The following CAMK2D variants were observed in gnomAD, a reference collection of about 807,000 sequenced individuals.
The protein encoded by CAMK2D is calcium/calmodulin dependent protein kinase II delta.
A neutral mutation model predicts 84.0 loss-of-function variants in CAMK2D; 37 were observed. That is an observed-to-expected ratio of 0.44 (90% CI 0.34 to 0.58). The LOEUF (loss-of-function observed/expected upper bound fraction) is 0.58. Among genes scored for constraint, CAMK2D ranks in the 20% least tolerant of loss-of-function variants. The pLI is 0.02. For synonymous variants in CAMK2D, 202 were observed against 212.5 expected (o/e 0.95, Z 0.43); for missense variants, 448 against 652.5 (o/e 0.69, Z 3.41).
At chr4:113,481,438 C>T (rs1295487745) in intron 16 of CAMK2D, among the ~76,000 whole-genome samples, 1 of 151,894 alleles carries the variant, frequency 6.6e-6, no homozygotes, top group Non-Finnish European at 1.5e-5. Flanking sequence ...AAAAGTAAAA[C>T]AGGAGAATGG....
In CAMK2D at chr4:113,761,435, G is replaced by A. The variant is rs967909379; in HGVS notation, c.-367C>T. 1.7e-6 allele frequency: 2 copies of A among 1,189,634 alleles called. No homozygotes were observed. The highest frequency in any genetic ancestry group is 1.1e-6 in the Non-Finnish European group (1 of 947,532). 73.7% of individuals were successfully genotyped at this position (1,189,634 alleles called of 1,614,324 possible). ...AAAAACAGCCAGGCACGGGACGAGT[G>A]GCAAGCAGTTGCGAAACGATCCGCA... On this transcript the variant is annotated 5_prime_UTR_variant, in exon 1 of 21. Transcript: ENST00000511664.
At position 113,632,341 on chromosome 4, in the gene CAMK2D, A is replaced by G. The variant is rs547317964; in HGVS notation, c.221-23135T>C. Among the ~76,000 whole-genome samples the G allele has an allele frequency of 7.3e-4, 111 of 152,054 alleles. 1 individual carries two copies. The South Asian group carries it at 0.022, about 30-fold the overall frequency. ...TGGGTTTAAGCGATTCTCCTGCCTC[A>G]GCCTCCCAAGTAGTTGGAATCGCAG... On this transcript the variant is annotated intron_variant, in intron 3 of 20. Transcript: ENST00000511664.
intron 3 of CAMK2D, among the ~76,000 whole-genome samples, chr4:113,614,683 T>C (rs563262461): frequency 4.2e-4 from 64 of 152,272 alleles, no homozygotes; most frequent in South Asian, 1.7e-3. Flanking sequence ...AGTCAACTCA[T>C]AGAATTATCA....
At chr4:113,457,695 A>T in intron 18 of CAMK2D, 132 bp from the exon 19 acceptor site, 2 of 666,808 alleles carry the variant, frequency 3.0e-6, no homozygotes, top group Non-Finnish European at 5.1e-6. Context: ...TAATTAATCT[A>T]CTATTTGTAC....
intron 16 of CAMK2D, among the ~76,000 whole-genome samples, chr4:113,474,711 AT>A (rs1419406830): frequency 6.6e-6 from 1 of 151,172 alleles, no homozygotes; most frequent in Non-Finnish European, 1.5e-5. Context: ...CAAAGGTGTG[AT>A]CTCGGCTCAC....
At chr4:113,599,948 G>A (rs2098944731) in intron 4 of CAMK2D, among the ~76,000 whole-genome samples, 1 of 152,168 alleles carries the variant, frequency 6.6e-6, no homozygotes, top group Non-Finnish European at 1.5e-5. Flanking sequence ...GGCAAAGGTG[G>A]AGGAAAATCC....
chr4:113,472,675 A>G (rs1022948727), intron 16 of CAMK2D, among the ~76,000 whole-genome samples: 3 of 152,232 alleles, frequency 2.0e-5, no homozygotes, highest in Non-Finnish European at 4.4e-5. Flanking sequence ...AACTGAATTT[A>G]TACCTGCAAA....
At chr4:113,491,909 A>T (rs2097849286) in intron 16 of CAMK2D, among the ~76,000 whole-genome samples, 1 of 151,748 alleles carries the variant, frequency 6.6e-6, no homozygotes, top group Non-Finnish European at 1.5e-5. Context: ...TTTCTTCTAG[A>T]TTTTCTAGTT....
intron 16 of CAMK2D, among the ~76,000 whole-genome samples, chr4:113,484,956 A>G (rs895262263): frequency 1.3e-5 from 2 of 152,150 alleles, no homozygotes; most frequent in African/African-American, 4.8e-5. Context: ...ATACTTTTAC[A>G]TATTATTAAA....
chr4:113,502,320 T>C (rs1046724822), intron 15 of CAMK2D, among the ~76,000 whole-genome samples: 1 of 151,900 alleles, frequency 6.6e-6, no homozygotes, highest in Non-Finnish European at 1.5e-5. Flanking sequence ...CTGGAATATA[T>C]ATTACTCAAC....
At chr4:113,721,423 C>T (rs761563038) in intron 2 of CAMK2D, among the ~76,000 whole-genome samples, 7 of 152,164 alleles carry the variant, frequency 4.6e-5, no homozygotes, top group Non-Finnish European at 1.0e-4. Context: ...TTATTAAAAA[C>T]ACTTTACCCA....
rs938779568 is a variant in CAMK2D, at chr4:113,457,411, G to A, written c.1459C>T (p.Arg487Cys). The change falls in exon 19 of 21, where the codon CGT (arginine) becomes TGT (cysteine). Residue 487 changes from arginine to cysteine, a missense_variant. Arg to Cys is a radical substitution (Grantham distance 180). This residue lies in a region of CAMK2D where 219 missense variants were observed against 272.1 expected (regional missense o/e 0.80). Transcript: ENST00000511664. Reference sequence around the variant, plus strand: ...TTTCCATCCCGGCGGTGCCACACACGAGTCTCTTCTGACTGCATTGTCTTT... The same window carrying A: ...TTTCCATCCCGGCGGTGCCACACACAAGTCTCTTCTGACTGCATTGTCTTT... Reference protein sequence around the residue: ...MPKTMQSEETRVWHRRDGKWQ... With the variant: ...MPKTMQSEETCVWHRRDGKWQ... 5.0e-6 allele frequency: 8 copies of A among 1,613,688 alleles called. No individual in the cohort carries two copies. In the Admixed American group the frequency reaches 1.0e-4, roughly 20 times the overall value.
At position 113,507,509 on chromosome 4, in the gene CAMK2D, T is replaced by A. The variant is rs192281525; in HGVS notation, c.984+2129A>T. Reference sequence around the variant, plus strand: ...GTCTCGAACTCCTGATCTCAGGTGATCCGTCTGTCTCAACCTCTCAAACTG... The same window carrying A: ...GTCTCGAACTCCTGATCTCAGGTGAACCGTCTGTCTCAACCTCTCAAACTG... On this transcript the variant is annotated intron_variant, in intron 13 of 20. Transcript: ENST00000511664. Among the ~76,000 whole-genome samples the A allele has an allele frequency of 3.5e-3, 539 of 152,218 alleles. 4 individuals are homozygous for A. Among genetic ancestry groups the A allele is most frequent in the African/African-American group, 0.012 (517 of 41,514 alleles).
Position 113,504,992 on chromosome 4 carries a change from A to C in CAMK2D, c.1028T>G (p.Ile343Ser). The change falls in exon 14 of 21, where the codon ATT (isoleucine) becomes AGT (serine). Residue 343 changes from isoleucine to serine, a missense_variant. Ile to Ser is a moderately radical substitution (Grantham distance 142, BLOSUM62 -2). Coordinates refer to ENST00000511664, the MANE Select transcript of CAMK2D (RefSeq NM_001321571.2). The stretch of plus-strand genomic sequence containing the variant: ...CAGGTATACCAGCGCTGGGGTAGGA[A>C]TATTTTCTTTGGGGCTGGTTACCAC... The part of the protein sequence containing the change: ...ANVVTSPKEN[I>S]PTPALEPQTT... The C allele has an allele frequency of 6.3e-7, 1 of 1,579,526 alleles. No individual in the cohort carries two copies. The highest frequency in any genetic ancestry group is 8.5e-7 in the Non-Finnish European group (1 of 1,169,796).
intron 2 of CAMK2D, among the ~76,000 whole-genome samples, chr4:113,695,568 T>C (rs1001977543): frequency 5.9e-5 from 9 of 152,056 alleles, no homozygotes; most frequent in African/African-American, 1.9e-4. Context: ...TTTGAGGCAA[T>C]TCATTCCCTC....
Position 113,511,031 on chromosome 4 carries a change from T to C in CAMK2D, c.947-1356A>G, listed in dbSNP as rs76693075. Among the ~76,000 whole-genome samples, 866 of 152,188 alleles carry C rather than the reference T, an allele frequency of 5.7e-3. 8 individuals are homozygous for C. Among genetic ancestry groups the C allele is most frequent in the African/African-American group, 0.02 (831 of 41,540 alleles). ...ATTGCAATAGCAAGCAAAGAGAAGA[T>C]GATGATTCAGGGTAAGCAGGGATTT... On this transcript the variant is annotated intron_variant, in intron 12 of 20. Transcript: ENST00000511664.
intron 7 of CAMK2D, among the ~76,000 whole-genome samples, chr4:113,536,481 TTTG>T (rs531827206): frequency 1.3e-5 from 2 of 152,204 alleles, no homozygotes; most frequent in African/African-American, 4.8e-5. Context: ...TAGTCCTCTA[TTTG>T]TTGTTGTTGC....
intron 2 of CAMK2D, among the ~76,000 whole-genome samples, chr4:113,736,592 T>C (rs552925556): frequency 3.9e-5 from 6 of 152,308 alleles, no homozygotes; most frequent in Admixed American, 2.6e-4. Context: ...TCAATCAAGT[T>C]TGCAGATTCC....
chr4:113,613,642 A>C (rs953853638), intron 3 of CAMK2D, among the ~76,000 whole-genome samples: 3 of 152,108 alleles, frequency 2.0e-5, no homozygotes, highest in African/African-American at 7.2e-5. Flanking sequence ...TACAGTTCCT[A>C]AAGCCCCAGA....
Sources: gnomAD v4.1 joint callset for allele counts (sites outside exome capture counted in the v4.1 genomes callset) on GRCh38, gnomAD v4.1.1 for gene constraint, gnomAD v4.1.1 regional missense constraint, MANE v1.5 for transcripts, NCBI Gene and HGNC (gene_info 2026-07-23, HGNC 2026-07-21) for gene names.